GRB14: variants seen among roughly 807,000 people sequenced by gnomAD.
GRB14 encodes the protein growth factor receptor-bound protein 14.
GRB14 carries 38 observed loss-of-function variants against 69.1 expected under a neutral mutation model. The observed-to-expected ratio is 0.55, with a 90% CI of 0.42 to 0.72. The LOEUF (loss-of-function observed/expected upper bound fraction) is 0.72. Ranked by LOEUF, GRB14 falls within the 30% of genes least tolerant of loss-of-function variation. The pLI, the probability that GRB14 is intolerant of heterozygous loss-of-function variation, is 0.00. For synonymous variants in GRB14, 247 were observed against 241.3 expected (o/e 1.02, Z -0.22); for missense variants, 666 against 666.1 (o/e 1.00, Z 0.00).
chr2:164,602,202 G>A (rs1574348214), intron 2 of GRB14, among the ~76,000 whole-genome samples: 3 of 151,244 alleles, frequency 2.0e-5, no homozygotes, highest in South Asian at 4.2e-4. Flanking sequence ...GAAGGGAGGG[G>A]AGGGGAAGGG....
At chr2:164,556,273 C>A (rs1688675913) in intron 2 of GRB14, among the ~76,000 whole-genome samples, 1 of 152,132 alleles carries the variant, frequency 6.6e-6, no homozygotes, top group South Asian at 2.1e-4. Flanking sequence ...ATTTTGCTAG[C>A]TGTCAAATAT....
intron 2 of GRB14, among the ~76,000 whole-genome samples, chr2:164,565,515 G>C (rs1688948948): frequency 1.3e-5 from 2 of 152,118 alleles, no homozygotes. Context: ...ACAAGATCTA[G>C]ATTCTATTTC....
chr2:164,522,044 C>A lies in GRB14; in HGVS notation c.752G>T (p.Trp251Leu). 1 of 1,600,520 alleles carries A rather than the reference C, an allele frequency of 6.2e-7. No homozygotes were observed. Among genetic ancestry groups the A allele is most frequent in the African/African-American group, 1.3e-5 (1 of 74,532 alleles). ...TCTTAGAAAAAAGTAAATTTTTTTC[C>A]AAGACTTCTTTCCCTGTTCTTTCGC... is the stretch of plus-strand genomic sequence containing the variant. ...LHAKEQGKKS[W>L]KKIYFFLRRS... Residue 251 changes from tryptophan (W) to leucine (L), a missense_variant, in exon 6 of 14, where the codon TGG becomes TTG. By Grantham distance (61) the Trp-to-Leu change is moderately conservative. Transcript: ENST00000263915.
intron 2 of GRB14, among the ~76,000 whole-genome samples, chr2:164,592,220 C>T (rs112363326): frequency 3.6e-4 from 54 of 152,102 alleles, no homozygotes; most frequent in Admixed American, 3.0e-3. Context: ...CTGCAAGCTC[C>T]GCCTCCCGGG....
At position 164,508,553 on chromosome 2, in the gene GRB14, A is replaced by T; in HGVS notation, c.928-3T>A. 6.2e-7 allele frequency: 1 copy of T among 1,612,848 alleles called. No homozygotes were observed. On this transcript the variant is annotated splice_polypyrimidine_tract_variant and splice_region_variant and intron_variant, in intron 7 of 13. Coordinates refer to ENST00000263915, the MANE Select transcript of GRB14 (RefSeq NM_004490.3). ...CGGGGCCCTCCCGCTTTGTTAGGCT[A>T]GAAGGCCACAGCACATTGTTTATCG...
At chr2:164,530,008 A>G (rs926341571) in intron 3 of GRB14, among the ~76,000 whole-genome samples, 1 of 152,224 alleles carries the variant, frequency 6.6e-6, no homozygotes, top group Non-Finnish European at 1.5e-5. Flanking sequence ...TGAAGCTTTC[A>G]TTCTAATGGG....
At position 164,497,218 on chromosome 2, in the gene GRB14, T is replaced by C. The variant is rs547498963; in HGVS notation, c.1287A>G (p.Thr429=). ...GACTATGAACAGACATACCCATGTT[T>C]GTGGCAGAGCTCTGTGAAGAGGCAG... ...SPTASSQSSA[T]NMAIHRSQPW... Residue 429 remains threonine (T), a synonymous_variant, in exon 11 of 14, where the codon ACA becomes ACG. Transcript: ENST00000263915. The C allele has an allele frequency of 6.2e-7, 1 of 1,613,620 alleles. No individual in the cohort carries two copies. Among genetic ancestry groups the C allele is most frequent in the African/African-American group, 1.3e-5 (1 of 75,034 alleles).
intron 2 of GRB14, among the ~76,000 whole-genome samples, chr2:164,557,545 A>G (rs1688711614): frequency 6.6e-6 from 1 of 152,214 alleles, no homozygotes; most frequent in African/African-American, 2.4e-5. Flanking sequence ...GTTCAGCTAC[A>G]ATAACAGAAA....
At chr2:164,569,294 T>C (rs1279443947) in intron 2 of GRB14, among the ~76,000 whole-genome samples, 6 of 152,116 alleles carry the variant, frequency 3.9e-5, no homozygotes, top group Non-Finnish European at 8.8e-5. Flanking sequence ...AGGTTTACAA[T>C]GGAAAACATC....
intron 5 of GRB14, among the ~76,000 whole-genome samples, chr2:164,522,338 T>C (rs892290555): frequency 1.3e-5 from 2 of 151,974 alleles, no homozygotes; most frequent in Non-Finnish European, 2.9e-5. Flanking sequence ...CGTGTGTGTA[T>C]ACACACACAC....
chr2:164,516,601 T>C (rs543913730), intron 6 of GRB14, among the ~76,000 whole-genome samples: 13 of 152,064 alleles, frequency 8.5e-5, no homozygotes, highest in African/African-American at 2.9e-4. Flanking sequence ...AAAATAATTA[T>C]CAGCCAAAAA....
intron 2 of GRB14, among the ~76,000 whole-genome samples, chr2:164,584,718 T>G (rs1284406679): frequency 1.3e-5 from 2 of 152,168 alleles, no homozygotes; most frequent in African/African-American, 2.4e-5. Flanking sequence ...AAATTATGGC[T>G]GGTCTTCCCC....
chr2:164,562,879 T>C (rs1404183884), intron 2 of GRB14, among the ~76,000 whole-genome samples: 1 of 152,178 alleles, frequency 6.6e-6, no homozygotes, highest in Non-Finnish European at 1.5e-5. Context: ...TACAACACAC[T>C]TCCTAAAAAC....
intron 2 of GRB14, among the ~76,000 whole-genome samples, chr2:164,601,651 T>C (rs1689916726): frequency 6.6e-6 from 1 of 152,160 alleles, no homozygotes; most frequent in South Asian, 2.1e-4. Flanking sequence ...GGATTCCATT[T>C]ATTACATTCA....
intron 10 of GRB14, 32 bp from the exon 11 acceptor site, chr2:164,497,315 T>C (rs556574512): frequency 6.2e-7 from 1 of 1,608,588 alleles, no homozygotes; most frequent in Non-Finnish European, 8.5e-7. Context: ...AAATCTCAAG[T>C]TTTTAGGTGA....
chr2:164,536,970 G>T (rs1000802366), intron 3 of GRB14, among the ~76,000 whole-genome samples: 1 of 152,144 alleles, frequency 6.6e-6, no homozygotes, highest in African/African-American at 2.4e-5. Context: ...ATTTGCAATT[G>T]CCCAAGGGGT....
intron 2 of GRB14, among the ~76,000 whole-genome samples, chr2:164,610,215 T>C (rs1459823980): frequency 2.0e-5 from 3 of 152,218 alleles, no homozygotes; most frequent in African/African-American, 4.8e-5. Flanking sequence ...TATTAATTCT[T>C]AATAATTAAA....
intron 12 of GRB14, among the ~76,000 whole-genome samples, chr2:164,495,752 C>T (rs753418312): frequency 3.9e-5 from 6 of 152,150 alleles, no homozygotes; most frequent in South Asian, 2.1e-4. Context: ...GACAAAAGGG[C>T]GTTTCACTGG....
At chr2:164,618,195 G>T (rs1012763511) in intron 2 of GRB14, among the ~76,000 whole-genome samples, 10 of 151,914 alleles carry the variant, frequency 6.6e-5, no homozygotes, top group African/African-American at 2.4e-4. Flanking sequence ...TCAATCTTCA[G>T]ACTTCGTGAT....
Sources: gnomAD v4.1 joint callset for allele counts (sites outside exome capture counted in the v4.1 genomes callset) on GRCh38, gnomAD v4.1.1 for gene constraint, MANE v1.5 for transcripts, NCBI Gene and HGNC (gene_info 2026-07-23, HGNC 2026-07-21) for gene names.